The following PCDH15 variants were observed in gnomAD, a reference collection of about 807,000 sequenced individuals.
PCDH15 encodes protocadherin related 15, also known as protocadherin-15.
PCDH15 carries 129 observed loss-of-function variants against 178.5 expected under a neutral mutation model. That is an observed-to-expected ratio of 0.72 (90% CI 0.63 to 0.84). The LOEUF is 0.84. PCDH15 is among the 40% of genes least tolerant of loss of function. PCDH15 has a pLI of 0.00. For missense variants in PCDH15, 2,230 were observed against 2,099.9 expected (o/e 1.06, Z -1.21); for synonymous variants, 800 against 732.0 (o/e 1.09, Z -1.50).
intron 3 of PCDH15, among the ~76,000 whole-genome samples, chr10:54,480,080 T>C (rs2078602145): frequency 6.6e-6 from 1 of 152,104 alleles, no homozygotes; most frequent in South Asian, 2.1e-4. Flanking sequence ...TACACACCAT[T>C]TGTAAAGTAC....
chr10:54,170,940 C>T (rs1183702036), intron 13 of PCDH15, among the ~76,000 whole-genome samples: 2 of 152,152 alleles, frequency 1.3e-5, no homozygotes, highest in Admixed American at 1.3e-4. Context: ...CTTCCCTACA[C>T]ATCAAGTTCG....
chr10:54,860,292 C>A (rs1953816461), intron 3 of PCDH15, among the ~76,000 whole-genome samples: 1 of 152,010 alleles, frequency 6.6e-6, no homozygotes, highest in Non-Finnish European at 1.5e-5. Context: ...CAGCCCTTGC[C>A]CCTTCCCCCT....
In PCDH15 at chr10:55,592,946, T is replaced by A. The variant is rs112382317; in HGVS notation, c.-156+34679A>T. ...TCTAAAGAGATTTTAAAAGTGTAAG[T>A]CAAATGCCTTAACGTAATACTACTT... is the stretch of plus-strand genomic sequence containing the variant. On this transcript the variant is annotated intron_variant, in intron 2 of 5. Coordinates refer to the PCDH15 transcript ENST00000613346. 6.5e-3 allele frequency among the ~76,000 whole-genome samples: 986 copies of A among 152,148 alleles called. 16 individuals are homozygous for A. The highest frequency in any genetic ancestry group is 0.023 in the African/African-American group (935 of 41,538).
At chr10:53,851,762 A>C (rs1311578220) in intron 28 of PCDH15, among the ~76,000 whole-genome samples, 2 of 143,972 alleles carry the variant, frequency 1.4e-5, no homozygotes, top group Non-Finnish European at 3.0e-5. Context: ...TATACAAATA[A>C]ATAAATTCTA....
intron 1 of PCDH15, among the ~76,000 whole-genome samples, chr10:54,785,800 A>T (rs1331861758): frequency 1.3e-5 from 2 of 151,836 alleles, no homozygotes; most frequent in African/African-American, 2.4e-5. Context: ...ATTTTTTTTT[A>T]AAAGGCATCC....
chr10:55,379,749 G>A (rs1449786293), intron 2 of PCDH15, among the ~76,000 whole-genome samples: 1 of 151,968 alleles, frequency 6.6e-6, no homozygotes, highest in Non-Finnish European at 1.5e-5. Flanking sequence ...CTCCTTGAGA[G>A]GCTAGTTCAC....
chr10:54,079,243 A>G (rs2094396280), intron 17 of PCDH15, 88 bp downstream of exon 17: 2 of 1,291,810 alleles, frequency 1.5e-6, no homozygotes, highest in Non-Finnish European at 2.3e-6. Flanking sequence ...GATGAAAAAC[A>G]TTAATTCATG....
intron 13 of PCDH15, among the ~76,000 whole-genome samples, chr10:54,162,574 ATCT>A (rs1322465120): frequency 6.6e-6 from 1 of 152,194 alleles, no homozygotes; most frequent in Non-Finnish European, 1.5e-5. Context: ...CAAGAGTATA[ATCT>A]TCTTAGCAGC....
intron 3 of PCDH15, among the ~76,000 whole-genome samples, chr10:54,875,730 A>G (rs1378960467): frequency 6.6e-6 from 1 of 152,178 alleles, no homozygotes; most frequent in African/African-American, 2.4e-5. Flanking sequence ...TCAATTCCAT[A>G]AAAACTGAAA....
intron 2 of PCDH15, among the ~76,000 whole-genome samples, chr10:54,617,950 GAGTA>G (rs1240744458): frequency 1.3e-5 from 2 of 151,136 alleles, no homozygotes; most frequent in Non-Finnish European, 3.0e-5. Flanking sequence ...AGAAGAGTAA[GAGTA>G]AGAATAGGAG....
At chr10:54,420,464 C>T in intron 3 of PCDH15, among the ~76,000 whole-genome samples, 1 of 151,926 alleles carries the variant, frequency 6.6e-6, no homozygotes. Context: ...ATTATTTCAC[C>T]CAAGAAAAGT....
chr10:54,146,952 A>ATATATATATAGTGTGTATATATATAGTG (rs1564530643), intron 14 of PCDH15, among the ~76,000 whole-genome samples: 3 of 99,006 alleles, frequency 3.0e-5, no homozygotes, highest in African/African-American at 1.3e-4. Flanking sequence ...TATATAGTGT[A>ATATATATATAGTGTGTATATATATAGTG]TATATATATA....
At chr10:54,298,061 G>A (rs185895033) in intron 8 of PCDH15, among the ~76,000 whole-genome samples, 2 of 152,122 alleles carry the variant, frequency 1.3e-5, no homozygotes, top group African/African-American at 2.4e-5. Flanking sequence ...AACATCTGTT[G>A]ACCTGTGTTC....
At chr10:54,665,261 T>C (rs1201946913) in intron 1 of PCDH15, among the ~76,000 whole-genome samples, 1 of 151,966 alleles carries the variant, frequency 6.6e-6, no homozygotes, top group Non-Finnish European at 1.5e-5. Flanking sequence ...TCAGTGGTTG[T>C]GATGTGGCAA....
intron 1 of PCDH15, among the ~76,000 whole-genome samples, chr10:55,288,826 TAG>T (rs1842937773): frequency 6.6e-6 from 1 of 151,766 alleles, no homozygotes; most frequent in South Asian, 2.1e-4. Context: ...CAATAAACAT[TAG>T]AGTGAGGCTA....
intron 8 of PCDH15, among the ~76,000 whole-genome samples, chr10:54,316,522 ATG>A (rs2061276668): frequency 6.8e-6 from 1 of 147,448 alleles, no homozygotes; most frequent in South Asian, 2.2e-4. Flanking sequence ...AAAACAGAAT[ATG>A]TGTATACACA....
In PCDH15 at chr10:53,831,531, A is replaced by C. The variant is rs1186495914; in HGVS notation, c.3986T>G (p.Phe1329Cys). 1 of 1,608,308 alleles carries C rather than the reference A, an allele frequency of 6.2e-7. No individual in the cohort carries two copies. The highest frequency in any genetic ancestry group is 8.5e-7 in the Non-Finnish European group (1 of 1,175,014). Residue 1329 changes from phenylalanine to cysteine, a missense_variant and splice_region_variant, in exon 30 of 38, where the codon TTT (phenylalanine) becomes TGT (cysteine). Physicochemically the swap from Phe to Cys is radical, Grantham distance 205. Transcript: ENST00000644397. The part of the protein sequence containing the change: ...RAIDRNELFK[F>C]LDGKLLDINK... ...GATATCAAGTAGTTTGCCATCCAAA[A>C]ATCTTTATTGTTAGATAAATAGTAA...
In PCDH15 at chr10:53,807,253, G is replaced by GAGAT. The variant is rs1333046829; in HGVS notation, c.4672-127_4672-124dup. 2.1e-4 allele frequency: 154 copies of GAGAT among 744,134 alleles called. No homozygotes were observed. The Middle Eastern group carries it at 3.1e-3, about 15-fold the overall frequency. 46.1% of individuals were successfully genotyped at this position (744,134 alleles called of 1,614,324 possible). Reference sequence around the variant, plus strand: ...GCTGTCAAAGGTAAATCACTCAAGAGAGATAGAAGGAAGCCAGTCTTTATT... The same window carrying GAGAT: ...GCTGTCAAAGGTAAATCACTCAAGAGAGATAGATAGAAGGAAGCCAGTCTTTATT... On this transcript the variant is annotated intron_variant, in intron 37 of 37. Transcript: ENST00000644397.
At chr10:54,144,978 C>A (rs886541781) in intron 14 of PCDH15, among the ~76,000 whole-genome samples, 1 of 151,972 alleles carries the variant, frequency 6.6e-6, no homozygotes. Flanking sequence ...GAATATAAAA[C>A]ATTTTTGGTT....
Sources: allele counts gnomAD v4.1 joint callset (sites outside exome capture counted in the v4.1 genomes callset), GRCh38; gene constraint gnomAD v4.1.1; transcripts MANE v1.5; gene names NCBI Gene and HGNC (gene_info 2026-07-23, HGNC 2026-07-21).